Variants in CFLAR observed in about 807,000 individuals in gnomAD.
CFLAR encodes CASP8 and FADD-like apoptosis regulator.
In CFLAR, 14 loss-of-function variants were observed where a neutral mutation model predicts 51.1. That is an observed-to-expected ratio of 0.27 (90% confidence interval 0.18 to 0.43). The LOEUF (loss-of-function observed/expected upper bound fraction) is 0.43. Ranked by LOEUF, CFLAR falls within the 20% of genes least tolerant of loss-of-function variation. The pLI is 1.00. For missense variants in CFLAR, 390 were observed against 566.5 expected (o/e 0.69, Z 3.16); for synonymous variants, 210 against 211.6 (o/e 0.99, Z 0.06).
At chr2:201,141,630 A>G in intron 5 of CFLAR, 2 of 1,302,114 alleles carry the variant, frequency 1.5e-6, no homozygotes, top group Non-Finnish European at 2.0e-6. Flanking sequence ...AGCTAATTTT[A>G]ATGATTTCAG....
Position 201,136,116 on chromosome 2 carries a change from TTTGGCC to T in CFLAR, c.523+11_523+16del. On this transcript the variant is annotated intron_variant, in intron 4 of 9. Transcript: ENST00000309955. ...GAAGTACAAGCAGTCTGGTAAGAATTTTGGCCTCTCAGTGGTCTAGGGGAAGTACTC... is the reference window on the plus strand; with the variant it reads ...GAAGTACAAGCAGTCTGGTAAGAATTTCTCAGTGGTCTAGGGGAAGTACTC... The T allele has an allele frequency of 1.9e-6, 3 of 1,612,516 alleles. No homozygotes were observed. Among genetic ancestry groups the T allele is most frequent in the Non-Finnish European group, 2.5e-6 (3 of 1,179,176 alleles).
chr2:201,130,187 G>GGGGGGGGGGGGCA, intron 2 of CFLAR, 41 bp downstream of exon 2: 14 of 292,348 alleles, frequency 4.8e-5, no homozygotes, highest in East Asian at 9.3e-5. Flanking sequence ...GGGTGGGAGG[G>GGGGGGGGGGGGCA]AGTGAAGTGT....
At chr2:201,152,207 C>A (rs1205953412) in intron 8 of CFLAR, among the ~76,000 whole-genome samples, 1 of 152,106 alleles carries the variant, frequency 6.6e-6, no homozygotes, top group East Asian at 1.9e-4. Flanking sequence ...GTTGGCCAGG[C>A]TGGTCTCGAA....
Position 201,130,015 on chromosome 2 carries a change from G to A in CFLAR, c.150G>A (p.Leu50=), listed in dbSNP as rs2049084419. Residue 50 remains leucine, a synonymous_variant, in exon 2 of 10, where the codon CTG becomes CTA. Transcript: ENST00000309955. ...ATATTTTACGGGAAAGAGGTAAGCTGTCTGTCGGGGACTTGGCTGAACTGC... is the reference window on the plus strand; with the variant it reads ...ATATTTTACGGGAAAGAGGTAAGCTATCTGTCGGGGACTTGGCTGAACTGC... ...LLDILRERGK[L]SVGDLAELLY... 14 of 1,614,062 alleles carry A rather than the reference G, an allele frequency of 8.7e-6. No homozygotes were observed. Among genetic ancestry groups the A allele is most frequent in the Non-Finnish European group, 1.2e-5 (14 of 1,180,050 alleles).
chr2:201,160,929 C>T lies in CFLAR; in HGVS notation c.1291C>T (p.Leu431=), dbSNP rs1172688602. The stretch of plus-strand genomic sequence containing the variant: ...GTACCTGCAGTGCCTCTCCCAGAAA[C>T]TGAGACAAGAAAGGTGAGCCCCCAG... The part of the protein sequence containing the change: ...SLYLQCLSQK[L]RQERKRPLLD... The change falls in exon 9 of 10, where the codon CTG becomes TTG. Residue 431 remains leucine, a synonymous_variant. Transcript: ENST00000309955. 6.8e-6 allele frequency: 11 copies of T among 1,611,764 alleles called. No homozygotes were observed. In the African/African-American group the frequency reaches 1.2e-4, roughly 18 times the overall value.
rs1466709997 is a variant in CFLAR, at chr2:201,149,792, C to T, written c.750C>T (p.Pro250=). The T allele has an allele frequency of 1.2e-6, 2 of 1,613,906 alleles. No individual in the cohort carries two copies. Among genetic ancestry groups the T allele is most frequent in the East Asian group, 4.5e-5 (2 of 44,886 alleles). Reference sequence around the variant, plus strand: ...AGAGATACAAGATGAAGAGCAAGCCCCTAGGAATCTGCCTGATAATCGATT... The same window carrying T: ...AGAGATACAAGATGAAGAGCAAGCCTCTAGGAATCTGCCTGATAATCGATT... ...PEERYKMKSK[P]LGICLIIDCI... The change falls in exon 8 of 10, where the codon CCC becomes CCT. Residue 250 remains proline, a synonymous_variant. Coordinates refer to ENST00000309955, the MANE Select transcript of CFLAR (RefSeq NM_003879.7).
chr2:201,149,702 T>C (rs534639639), intron 7 of CFLAR, 52 bp from the exon 8 acceptor site: 2 of 1,424,272 alleles, frequency 1.4e-6, no homozygotes, highest in Admixed American at 1.7e-5. Flanking sequence ...TGGGACCTTA[T>C]AGAAACAGAG....
At chr2:201,123,239 C>T (rs561175015) in intron 1 of CFLAR, among the ~76,000 whole-genome samples, 5 of 152,192 alleles carry the variant, frequency 3.3e-5, no homozygotes, top group East Asian at 1.9e-4. Flanking sequence ...AAGTTATTGG[C>T]GATAATGTCT....
intron 2 of CFLAR, among the ~76,000 whole-genome samples, chr2:201,131,504 G>A (rs1392861863): frequency 1.3e-5 from 2 of 152,178 alleles, no homozygotes; most frequent in East Asian, 3.8e-4. Context: ...TTAAAGTGCT[G>A]GGATTATAGG....
intron 2 of CFLAR, among the ~76,000 whole-genome samples, chr2:201,132,625 T>C (rs969487995): frequency 6.6e-6 from 1 of 152,114 alleles, no homozygotes; most frequent in Admixed American, 6.5e-5. Flanking sequence ...GGTCCTTGAA[T>C]CAACATCACC....
intron 8 of CFLAR, among the ~76,000 whole-genome samples, chr2:201,155,190 C>A (rs898891502): frequency 2.6e-5 from 4 of 152,048 alleles, no homozygotes; most frequent in Non-Finnish European, 5.9e-5. Flanking sequence ...GGCTTTACGG[C>A]TTGGCCTAAA....
rs2048464948 is a variant in CFLAR, at chr2:201,124,201, G to A, written c.-137-5528G>A. ...TGTGCCTTTGTTACCAGATAGTTTG[G>A]GGGCAGCGTTGGTGTTCTGTGAGAA... On this transcript the variant is annotated intron_variant, in intron 1 of 9. Coordinates refer to ENST00000309955, the MANE Select transcript of CFLAR (RefSeq NM_003879.7). The surrounding 1 kb of genome is among the most constrained non-coding windows in gnomAD (Gnocchi z 4.7). 6.6e-6 allele frequency among the ~76,000 whole-genome samples: 1 copy of A among 152,188 alleles called. No homozygotes were observed. Among genetic ancestry groups the A allele is most frequent in the Admixed American group, 6.5e-5 (1 of 15,280 alleles).
chr2:201,160,386 C>T lies in CFLAR; in HGVS notation c.794-46C>T, dbSNP rs1365235320. The T allele has an allele frequency of 5.1e-6, 8 of 1,581,016 alleles. No homozygotes were observed. The Admixed American group carries it at 5.1e-5, about 10-fold the overall frequency. On this transcript the variant is annotated intron_variant, in intron 8 of 9. Transcript: ENST00000309955. ...TTCCTACCCAGTCCTCTTGAGCTCT[C>T]CTCACTCCAGTGTTGTTTTCCGTGT... is the stretch of plus-strand genomic sequence containing the variant.
At chr2:201,131,779 T>C (rs1361936442) in intron 2 of CFLAR, among the ~76,000 whole-genome samples, 3 of 152,196 alleles carry the variant, frequency 2.0e-5, no homozygotes, top group Non-Finnish European at 4.4e-5. Flanking sequence ...CATAGCTCAT[T>C]GTAGCTGGAA....
chr2:201,137,741 C>T (rs753044752), intron 4 of CFLAR: 13 of 812,462 alleles, frequency 1.6e-5, no homozygotes, highest in Non-Finnish European at 2.8e-5. Context: ...AGACATCCTG[C>T]GTGATCTTCG....
intron 1 of CFLAR, among the ~76,000 whole-genome samples, chr2:201,128,510 C>T (rs549579411): frequency 6.6e-6 from 1 of 152,116 alleles, no homozygotes; most frequent in African/African-American, 2.4e-5. Flanking sequence ...AATTTTTCCT[C>T]TTGTTTTCAT....
In CFLAR at chr2:201,164,153, T is replaced by C. The variant is rs551580844; in HGVS notation, c.*180T>C. 1 of 460,068 alleles carries C rather than the reference T, an allele frequency of 2.2e-6. No homozygotes were observed. Among genetic ancestry groups the C allele is most frequent in the African/African-American group, 2.0e-5 (1 of 50,408 alleles). 28.5% of individuals were successfully genotyped at this position (460,068 alleles called of 1,614,324 possible). A position where few individuals can be genotyped will look rare whatever the true frequency, so the allele number is the denominator to read the frequency against. On this transcript the variant is annotated 3_prime_UTR_variant, in exon 10 of 10. Coordinates refer to ENST00000309955, the MANE Select transcript of CFLAR (RefSeq NM_003879.7). Reference sequence around the variant, plus strand: ...GGGTGTGGGTACCTGTATTCCCAGTTACTTGGGAGGCTGAGGTGGGAGGAT... The same window carrying C: ...GGGTGTGGGTACCTGTATTCCCAGTCACTTGGGAGGCTGAGGTGGGAGGAT...
At chr2:201,140,592 AT>A (rs2125771222) in intron 5 of CFLAR, 153 bp downstream of exon 5, 1 of 580,364 alleles carries the variant, frequency 1.7e-6, no homozygotes, top group East Asian at 3.2e-5. Flanking sequence ...AACTTCTTAT[AT>A]TTCAAAGCTA....
chr2:201,138,717 A>C lies in CFLAR; in HGVS notation c.524-1640A>C. The C allele has an allele frequency of 1.2e-6, 1 of 803,132 alleles. No homozygotes were observed. The highest frequency in any genetic ancestry group is 2.4e-5 in the East Asian group (1 of 41,280). The allele number at this position is 803,132 out of a possible 1,614,324, so 49.8% of individuals were successfully genotyped here. ...GCTCAGCACCACGGGGTGTGTGATA[A>C]AGCCCGGTTCAAACTTCTTGACCTT... On this transcript the variant is annotated intron_variant, in intron 4 of 9. Transcript: ENST00000309955. This position sits in a 1 kb window ranked among gnomAD's most constrained non-coding sequence, Gnocchi z 4.0.
Sources: allele counts gnomAD v4.1 joint callset (sites outside exome capture counted in the v4.1 genomes callset), GRCh38; gene constraint gnomAD v4.1.1; non-coding constraint Gnocchi (gnomAD v3.1); transcripts MANE v1.5; gene names NCBI Gene and HGNC (gene_info 2026-07-23, HGNC 2026-07-21).